PDLIM4: variants seen among roughly 807,000 people sequenced by gnomAD.
The protein encoded by PDLIM4 is PDZ and LIM domain protein 4.
Under a neutral mutation model 31.3 loss-of-function variants are expected in PDLIM4, and 19 were observed. The observed-to-expected ratio is 0.61, with a 90% CI of 0.42 to 0.89. PDLIM4 has a LOEUF of 0.89. Among genes scored for constraint, PDLIM4 ranks in the 40% least tolerant of loss-of-function variants. PDLIM4 has a pLI of 0.00. For synonymous variants in PDLIM4, 176 were observed against 190.1 expected (o/e 0.93, Z 0.61); for missense variants, 442 against 461.1 (o/e 0.96, Z 0.38).
In PDLIM4 at chr5:132,272,128, G is replaced by C; in HGVS notation, c.892G>C (p.Glu298Gln). The C allele has an allele frequency of 1.2e-6, 2 of 1,614,228 alleles. No individual in the cohort carries two copies. Among genetic ancestry groups the C allele is most frequent in the Non-Finnish European group, 1.7e-6 (2 of 1,180,038 alleles). ...LKQRGYFFLD[E>Q]RLYCESHAKA... ...GCAGCGTGGTTACTTCTTTCTGGACGAGCGGCTCTACTGTGAGAGCCACGC... is the reference window on the plus strand; with the variant it reads ...GCAGCGTGGTTACTTCTTTCTGGACCAGCGGCTCTACTGTGAGAGCCACGC... Residue 298 changes from glutamate to glutamine, a missense_variant, in exon 7 of 7, where the codon GAG becomes CAG. Coordinates refer to ENST00000253754, the MANE Select transcript of PDLIM4 (RefSeq NM_003687.4).
At chr5:132,271,966 G>A (rs1002864280) in intron 6 of PDLIM4, 58 bp downstream of exon 6, 6 of 1,593,354 alleles carry the variant, frequency 3.8e-6, no homozygotes, top group Admixed American at 1.7e-5. Flanking sequence ...CCCTGGATGC[G>A]GGCGCAGTCG....
chr5:132,271,618 C>T (rs1246259024), intron 5 of PDLIM4, 152 bp downstream of exon 5: 1 of 962,386 alleles, frequency 1.0e-6, no homozygotes, highest in Non-Finnish European at 1.7e-6. Flanking sequence ...TTGCTACGCC[C>T]TGGCTTCCCG....
At chr5:132,260,438 A>G (rs1223048642) in intron 1 of PDLIM4, among the ~76,000 whole-genome samples, 1 of 151,278 alleles carries the variant, frequency 6.6e-6, no homozygotes, top group Non-Finnish European at 1.5e-5. Context: ...GGTGTACAAG[A>G]CTCTGCAATA....
In PDLIM4 at chr5:132,272,270, CTCGG is replaced by C; in HGVS notation, c.*42_*45del. 6.6e-7 allele frequency: 1 copy of C among 1,514,824 alleles called. No homozygotes were observed. Among genetic ancestry groups the C allele is most frequent in the Non-Finnish European group, 9.2e-7 (1 of 1,092,094 alleles). The allele number at this position is 1,514,824 out of a possible 1,614,324, so 93.8% of individuals were successfully genotyped here. ...CCACGCCTGCTTCTTAAGGTCCCTGCTCGGCCGGTGTAAATATGTTTCACCCTGT... is the reference window on the plus strand; with the variant it reads ...CCACGCCTGCTTCTTAAGGTCCCTGCCCGGTGTAAATATGTTTCACCCTGT... On this transcript the variant is annotated 3_prime_UTR_variant, in exon 7 of 7. Transcript: ENST00000253754.
rs1454884302 is a variant in PDLIM4 at position 132,257,739 on chromosome 5, C to T, written c.5C>T (p.Pro2Leu). The T allele has an allele frequency of 2.7e-6, 4 of 1,484,840 alleles. No individual in the cohort carries two copies. Among genetic ancestry groups the T allele is most frequent in the Non-Finnish European group, 3.6e-6 (4 of 1,121,972 alleles). 92.0% of individuals were successfully genotyped at this position (1,484,840 alleles called of 1,614,324 possible). A position where few individuals can be genotyped will look rare whatever the true frequency, so the allele number is the denominator to read the frequency against. The change falls in exon 1 of 7, where the codon CCC becomes CTC. Residue 2 changes from proline (P) to leucine (L), a missense_variant. By Grantham distance (98) the Pro-to-Leu change is moderately conservative (BLOSUM62 -3). Coordinates refer to ENST00000253754, the MANE Select transcript of PDLIM4 (RefSeq NM_003687.4). This position sits in a 1 kb window ranked among gnomAD's most constrained non-coding sequence, Gnocchi z 4.3. Reference sequence around the variant, plus strand: ...CGGCTGCGGCTCCAGCCCGCGATGCCCCATTCCGTGACCCTGCGCGGGCCT... The same window carrying T: ...CGGCTGCGGCTCCAGCCCGCGATGCTCCATTCCGTGACCCTGCGCGGGCCT... M[P>L]HSVTLRGPSP...
In PDLIM4 at chr5:132,272,212, A is replaced by C. The variant is rs1038611013; in HGVS notation, c.976A>C (p.Lys326Gln). Residue 326 changes from lysine (K) to glutamine (Q), a missense_variant, in exon 7 of 7, where the codon AAG (lysine) becomes CAG (glutamine). By Grantham distance (53) the Lys-to-Gln change is moderately conservative. Transcript: ENST00000253754. Reference sequence around the variant, plus strand: ...CGTGGTGGCGGTGTACCCCAATGCCAAGGTGGAACTCGTCTGAGCTGGGAC... The same window carrying C: ...CGTGGTGGCGGTGTACCCCAATGCCCAGGTGGAACTCGTCTGAGCTGGGAC... ...YDVVAVYPNA[K>Q]VELV 2 of 1,614,062 alleles carry C rather than the reference A, an allele frequency of 1.2e-6. No homozygotes were observed. Among genetic ancestry groups the C allele is most frequent in the Admixed American group, 3.3e-5 (2 of 60,026 alleles).
chr5:132,266,737 G>A, intron 3 of PDLIM4, 192 bp downstream of exon 3: 1 of 478,790 alleles, frequency 2.1e-6, no homozygotes. Context: ...AGCACCTGGT[G>A]TGGGCTCTGT....
Position 132,272,472 on chromosome 5 carries a change from C to T in PDLIM4, c.*243C>T. ...GGGTACCATGCTGCCCTGAAGGGGG[C>T]CACAGCCTGGGTGGAAGGCAGACCT... is the stretch of plus-strand genomic sequence containing the variant. On this transcript the variant is annotated 3_prime_UTR_variant, in exon 7 of 7. Coordinates refer to ENST00000253754, the MANE Select transcript of PDLIM4 (RefSeq NM_003687.4). 1.8e-6 allele frequency: 1 copy of T among 556,338 alleles called. No homozygotes were observed. Among genetic ancestry groups the T allele is most frequent in the East Asian group, 3.1e-5 (1 of 32,660 alleles). The allele number at this position is 556,338 out of a possible 1,614,324, so 34.5% of individuals were successfully genotyped here.
intron 2 of PDLIM4, 54 bp from the exon 3 acceptor site, chr5:132,266,410 A>G: frequency 8.0e-7 from 1 of 1,245,398 alleles, no homozygotes; most frequent in Non-Finnish European, 1.2e-6. Flanking sequence ...CCTGGCTCCC[A>G]GGCATGGTGG....
At position 132,269,859 on chromosome 5, in the gene PDLIM4, G is replaced by T. The variant is rs551054477; in HGVS notation, c.328-1056G>T. On this transcript the variant is annotated intron_variant, in intron 3 of 6. Transcript: ENST00000253754. ...TGCTCTGGCTACTAGCCCAGTCTCA[G>T]CTATGGAGGCCACTATGGCCATTCC... 1.6e-4 allele frequency among the ~76,000 whole-genome samples: 24 copies of T among 152,348 alleles called. No individual in the cohort carries two copies. The South Asian group carries it at 5.0e-3, about 32-fold the overall frequency.
Position 132,272,220 on chromosome 5 carries a change from A to G in PDLIM4, c.984A>G (p.Glu328=). 6.2e-7 allele frequency: 1 copy of G among 1,613,818 alleles called. No individual in the cohort carries two copies. Among genetic ancestry groups the G allele is most frequent in the Non-Finnish European group, 8.5e-7 (1 of 1,179,778 alleles). The stretch of plus-strand genomic sequence containing the variant: ...CGGTGTACCCCAATGCCAAGGTGGA[A>G]CTCGTCTGAGCTGGGACCCTGCTCC... ...VVAVYPNAKV[E]LV is the part of the protein sequence containing the mutation. The change falls in exon 7 of 7, where the codon GAA becomes GAG. Residue 328 remains glutamate, a synonymous_variant. Coordinates refer to ENST00000253754, the MANE Select transcript of PDLIM4 (RefSeq NM_003687.4).
Position 132,272,572 on chromosome 5 carries a change from A to G in PDLIM4, c.*343A>G, listed in dbSNP as rs1258826239. The G allele has an allele frequency of 2.7e-6, 1 of 368,834 alleles. No homozygotes were observed. The highest frequency in any genetic ancestry group is 5.2e-6 in the Non-Finnish European group (1 of 192,196). The allele number at this position is 368,834 out of a possible 1,614,324, so 22.8% of individuals were successfully genotyped here. A position where few individuals can be genotyped will look rare whatever the true frequency, so the allele number is the denominator to read the frequency against. On this transcript the variant is annotated 3_prime_UTR_variant, in exon 7 of 7. Transcript: ENST00000253754. ...TGCGTGCGGCGCGACGACAGGAGGTATGACCTGGGTGGGGTCAGGGAAAGT... is the reference window on the plus strand; with the variant it reads ...TGCGTGCGGCGCGACGACAGGAGGTGTGACCTGGGTGGGGTCAGGGAAAGT...
At chr5:132,259,576 T>C (rs549657907) in intron 1 of PDLIM4, among the ~76,000 whole-genome samples, 1 of 152,176 alleles carries the variant, frequency 6.6e-6, no homozygotes, top group East Asian at 1.9e-4. Flanking sequence ...TTTACAGCGC[T>C]GGGGAGGCAC....
At chr5:132,263,244 G>C (rs562975561) in intron 2 of PDLIM4, among the ~76,000 whole-genome samples, 1 of 152,166 alleles carries the variant, frequency 6.6e-6, no homozygotes, top group Non-Finnish European at 1.5e-5. Flanking sequence ...GAGAGGGAGT[G>C]GGGTAGCAAA....
rs1756609111 is a variant in PDLIM4 at position 132,271,367 on chromosome 5, T to C, written c.571T>C (p.Tyr191His). 2 of 1,606,464 alleles carry C rather than the reference T, an allele frequency of 1.2e-6. No individual in the cohort carries two copies. Among genetic ancestry groups the C allele is most frequent in the Non-Finnish European group, 1.7e-6 (2 of 1,179,574 alleles). The change falls in exon 5 of 7, where the codon TAC (tyrosine) becomes CAC (histidine). Residue 191 changes from tyrosine (Y) to histidine (H), a missense_variant. Tyr to His is a moderately conservative substitution (Grantham distance 83). Transcript: ENST00000253754. ...CAGAGTCGACCTGGGCTCCGAGGTG[T>C]ACAGGATGCTGCGGGAGCCAGCCGA... ...DCRVDLGSEV[Y>H]RMLREPAEPV...
intron 5 of PDLIM4, 123 bp from the exon 6 acceptor site, chr5:132,271,668 C>T: frequency 1.0e-6 from 1 of 952,610 alleles, no homozygotes; most frequent in East Asian, 2.4e-5. Flanking sequence ...TCACCCCACG[C>T]CCGCCAAACC....
Position 132,257,777 on chromosome 5 carries a change from T to C in PDLIM4, c.43T>C (p.Phe15Leu). 1 of 1,506,214 alleles carries C rather than the reference T, an allele frequency of 6.6e-7. No individual in the cohort carries two copies. The highest frequency in any genetic ancestry group is 1.2e-5 in the South Asian group (1 of 81,256). 93.3% of individuals were successfully genotyped at this position (1,506,214 alleles called of 1,614,324 possible). A position where few individuals can be genotyped will look rare whatever the true frequency, so the allele number is the denominator to read the frequency against. Reference protein sequence around the residue: ...VTLRGPSPWGFRLVGGRDFSA... With the variant: ...VTLRGPSPWGLRLVGGRDFSA... ...CCTGCGCGGGCCTTCGCCCTGGGGC[T>C]TCCGCCTGGTGGGCGGCCGGGACTT... Residue 15 changes from phenylalanine (F) to leucine (L), a missense_variant, in exon 1 of 7, where the codon TTC (phenylalanine) becomes CTC (leucine). Transcript: ENST00000253754. The surrounding 1 kb of genome is among the most constrained non-coding windows in gnomAD (Gnocchi z 4.3).
Position 132,271,863 on chromosome 5 carries a change from G to A in PDLIM4, c.743G>A (p.Gly248Asp). Residue 248 changes from glycine (G) to aspartate (D), a missense_variant, in exon 6 of 7, where the codon GGC (glycine) becomes GAC (aspartate). By Grantham distance (94) the Gly-to-Asp change is moderately conservative. Transcript: ENST00000253754. ...AGCAAGCTGGGCGCTCCGCTGAGCG[G>A]CCTGCAGGGGCTGCCCGAGTGCACG... ...TASKLGAPLS[G>D]LQGLPECTRC... The A allele has an allele frequency of 6.2e-7, 1 of 1,611,086 alleles. No homozygotes were observed. Among genetic ancestry groups the A allele is most frequent in the Admixed American group, 1.7e-5 (1 of 59,882 alleles).
intron 2 of PDLIM4, among the ~76,000 whole-genome samples, 174 bp from the exon 3 acceptor site, chr5:132,266,290 C>G (rs1756490224): frequency 6.6e-6 from 1 of 152,208 alleles, no homozygotes; most frequent in South Asian, 2.1e-4. Context: ...AGGATGGCAG[C>G]TAGAGTTGTG....
Sources: gnomAD v4.1 joint callset for allele counts (sites outside exome capture counted in the v4.1 genomes callset) on GRCh38, gnomAD v4.1.1 for gene constraint, Gnocchi (gnomAD v3.1) non-coding constraint, MANE v1.5 for transcripts, NCBI Gene and HGNC (gene_info 2026-07-23, HGNC 2026-07-21) for gene names.